PLB1: variants seen among roughly 807,000 people sequenced by gnomAD.
PLB1 encodes phospholipase B1.
PLB1 carries 242 observed loss-of-function variants against 227.4 expected under a neutral mutation model. That is an observed-to-expected ratio of 1.06 (90% CI 0.96 to 1.18). The LOEUF (loss-of-function observed/expected upper bound fraction) is 1.18, where lower values mean the gene tolerates loss of function less well. PLB1 is among the 50% of genes most tolerant of loss of function. The pLI is 0.00. For synonymous variants in PLB1, 757 were observed against 682.2 expected (o/e 1.11, Z -1.71); for missense variants, 1,858 against 1,816.3 (o/e 1.02, Z -0.42).
At chr2:28,525,002 A>C (rs2148186086) in intron 4 of PLB1, among the ~76,000 whole-genome samples, 1 of 152,032 alleles carries the variant, frequency 6.6e-6, no homozygotes, top group South Asian at 2.1e-4. Context: ...CATGTGCCAC[A>C]ACACCTGGCT....
In PLB1 at chr2:28,642,936, TG is replaced by T. The variant is rs1160539432; in HGVS notation, c.4255del (p.Ala1419LeufsTer33). The stretch of plus-strand genomic sequence containing the variant: ...TGAAGAAGCCCCCGAGGTGCTCTAC[TG>T]GGCTGTCCCAGTGGCAGCGGGAGTC... ...QAEEAPEVLY[W>X]AVPVAAGVGL... is the part of the protein sequence containing the mutation. On this transcript the variant is annotated frameshift_variant, in exon 58 of 58. Coordinates refer to ENST00000327757, the MANE Select transcript of PLB1 (RefSeq NM_153021.5). LOFTEE classifies it low-confidence loss of function (END_TRUNC). 5 of 1,609,234 alleles carry T rather than the reference TG, an allele frequency of 3.1e-6. No homozygotes were observed. In the African/African-American group the frequency reaches 6.7e-5, roughly 21 times the overall value.
intron 1 of PLB1, among the ~76,000 whole-genome samples, chr2:28,514,537 T>TG (rs570706125): frequency 1.2e-4 from 19 of 152,236 alleles, no homozygotes; most frequent in Admixed American, 3.3e-4. Context: ...GAAAATTATA[T>TG]GGAATTCAAA....
At chr2:28,530,939 G>T (rs1408354046) in intron 8 of PLB1, among the ~76,000 whole-genome samples, 1 of 152,232 alleles carries the variant, frequency 6.6e-6, no homozygotes, top group African/African-American at 2.4e-5. Flanking sequence ...GTCTAACCCT[G>T]TAATTTTCCA....
intron 21 of PLB1, among the ~76,000 whole-genome samples, chr2:28,574,949 C>T (rs1442557611): frequency 1.3e-5 from 2 of 152,176 alleles, no homozygotes; most frequent in Non-Finnish European, 2.9e-5. Context: ...CATATCTTTG[C>T]AATTGCAAAT....
At chr2:28,537,589 G>T (rs1459636334) in intron 9 of PLB1, among the ~76,000 whole-genome samples, 3 of 148,232 alleles carry the variant, frequency 2.0e-5, no homozygotes, top group Non-Finnish European at 3.0e-5. Context: ...TACTCAGGAG[G>T]TGGAGGTTGC....
chr2:28,591,584 C>G (rs1346459415), intron 30 of PLB1, 116 bp from the exon 31 acceptor site: 3 of 1,078,422 alleles, frequency 2.8e-6, no homozygotes, highest in East Asian at 2.4e-5. Flanking sequence ...TGAGGCCCCT[C>G]CCTAGGAGTA....
intron 55 of PLB1, 141 bp downstream of exon 55, chr2:28,632,281 T>G: frequency 1.5e-6 from 1 of 663,928 alleles, no homozygotes; most frequent in Non-Finnish European, 2.6e-6. Context: ...TTTTCCACAT[T>G]ACCTCCTTTT....
rs1688705255 is a variant in PLB1, at chr2:28,632,077, G to A, written c.3939G>A (p.Gln1313=). ...SSFSYWHQYT[Q]REDFAVVVQP... is the part of the protein sequence containing the mutation. ...TCTCCTACTGGCACCAATACACACA[G>A]CGTGAGGACTTTGCGGTTGTGGTGC... The change falls in exon 55 of 58, where the codon CAG becomes CAA. Residue 1313 remains glutamine (Q), a synonymous_variant. Coordinates refer to ENST00000327757, the MANE Select transcript of PLB1 (RefSeq NM_153021.5). 6.2e-7 allele frequency: 1 copy of A among 1,614,160 alleles called. No individual in the cohort carries two copies. The highest frequency in any genetic ancestry group is 8.5e-7 in the Non-Finnish European group (1 of 1,180,022).
chr2:28,607,256 G>A (rs545098143), intron 43 of PLB1, among the ~76,000 whole-genome samples: 103 of 152,286 alleles, frequency 6.8e-4, no homozygotes, highest in African/African-American at 2.4e-3. Flanking sequence ...ACCCTCAGCA[G>A]CAATAAAAGC....
chr2:28,559,944 G>A (rs1675789100), intron 17 of PLB1, among the ~76,000 whole-genome samples: 1 of 151,890 alleles, frequency 6.6e-6, no homozygotes, highest in Non-Finnish European at 1.5e-5. Flanking sequence ...TAGAGACGGG[G>A]TTTCATCATT....
chr2:28,636,033 G>GTGTATGTGTGTGTGTGTATGTA (rs1553467800), intron 56 of PLB1, among the ~76,000 whole-genome samples: 1 of 149,692 alleles, frequency 6.7e-6, no homozygotes, highest in Admixed American at 6.6e-5. Flanking sequence ...GTGTGTATGT[G>GTGTATGTGTGTGTGTGTATGTA]TGTGTGTGTA....
intron 1 of PLB1, among the ~76,000 whole-genome samples, chr2:28,507,976 C>T (rs1213333853): frequency 6.6e-6 from 1 of 152,168 alleles, no homozygotes; most frequent in African/African-American, 2.4e-5. Context: ...CTAAATCATT[C>T]TTTGGCCAGC....
At chr2:28,542,037 G>A (rs977742289) in intron 13 of PLB1, among the ~76,000 whole-genome samples, 22 of 152,142 alleles carry the variant, frequency 1.4e-4, no homozygotes, top group Non-Finnish European at 1.3e-4. Context: ...GGAGGCTGAG[G>A]CATGAGAATC....
At chr2:28,601,175 T>A in intron 36 of PLB1, 77 bp from the exon 37 acceptor site, 1 of 1,225,506 alleles carries the variant, frequency 8.2e-7, no homozygotes, top group South Asian at 1.2e-5. Context: ...TTATAGAGGG[T>A]TGAATGGATT....
intron 20 of PLB1, 44 bp downstream of exon 20, chr2:28,566,883 C>G (rs1254943886): frequency 1.6e-5 from 25 of 1,609,272 alleles, no homozygotes; most frequent in Non-Finnish European, 2.1e-5. Flanking sequence ...TGGGGCGGCC[C>G]CTGCACGCTT....
chr2:28,606,251 A>G (rs1328390642), intron 42 of PLB1, among the ~76,000 whole-genome samples: 1 of 152,142 alleles, frequency 6.6e-6, no homozygotes, highest in Non-Finnish European at 1.5e-5. Flanking sequence ...AAGCCACGTT[A>G]TCTCATTTAA....
intron 48 of PLB1, 56 bp from the exon 49 acceptor site, chr2:28,620,823 G>A: frequency 1.3e-6 from 2 of 1,511,932 alleles, no homozygotes; most frequent in Non-Finnish European, 1.8e-6. Context: ...CTCAGTTACT[G>A]TGAGGGTCCT....
chr2:28,511,294 AT>A (rs1325746054), intron 1 of PLB1, among the ~76,000 whole-genome samples: 1 of 151,872 alleles, frequency 6.6e-6, no homozygotes, highest in African/African-American at 2.4e-5. Flanking sequence ...TTTCTATCAC[AT>A]TCTTTGTGTT....
intron 1 of PLB1, among the ~76,000 whole-genome samples, chr2:28,507,379 C>T (rs935322218): frequency 2.6e-5 from 4 of 152,160 alleles, no homozygotes; most frequent in African/African-American, 9.7e-5. Context: ...GGTGAGGGCC[C>T]TCTTGCTGTG....
Sources: gnomAD v4.1 joint callset for allele counts (sites outside exome capture counted in the v4.1 genomes callset) on GRCh38, gnomAD v4.1.1 for gene constraint, MANE v1.5 for transcripts, NCBI Gene and HGNC (gene_info 2026-07-23, HGNC 2026-07-21) for gene names.